The following C2CD3 variants were observed in gnomAD, a reference collection of about 807,000 sequenced individuals.
The protein encoded by C2CD3 is C2 domain-containing protein 3.
A neutral mutation model predicts 234.0 loss-of-function variants in C2CD3; 148 were observed. The observed-to-expected ratio is 0.63, with a 90% CI of 0.55 to 0.72. The LOEUF is 0.72. Ranked by LOEUF, C2CD3 falls within the 30% of genes least tolerant of loss-of-function variation. The pLI is 0.00. For missense variants in C2CD3, 2,577 were observed against 2,811.5 expected (o/e 0.92, Z 1.89); for synonymous variants, 1,000 against 1,035.4 (o/e 0.97, Z 0.66).
At chr11:74,051,862 C>T (rs1369715616) in intron 26 of C2CD3, among the ~76,000 whole-genome samples, 1 of 152,092 alleles carries the variant, frequency 6.6e-6, no homozygotes, top group East Asian at 1.9e-4. Context: ...TAGCATGGTG[C>T]CTGGCACAGA....
intron 20 of C2CD3, among the ~76,000 whole-genome samples, chr11:74,087,325 A>T (rs1483890572): frequency 6.6e-6 from 1 of 152,118 alleles, no homozygotes; most frequent in Non-Finnish European, 1.5e-5. Context: ...GCACTTTGGG[A>T]GGCTGAGGTG....
chr11:74,015,393 T>C (rs1031320395), intron 32 of C2CD3, among the ~76,000 whole-genome samples: 4 of 152,212 alleles, frequency 2.6e-5, no homozygotes, highest in African/African-American at 9.6e-5. Flanking sequence ...TCAGGCTCTA[T>C]GTAGCACTTT....
intron 22 of C2CD3, among the ~76,000 whole-genome samples, chr11:74,084,674 G>A (rs576865801): frequency 7.3e-5 from 11 of 151,638 alleles, no homozygotes; most frequent in African/African-American, 1.5e-4. Flanking sequence ...AAGTATTCCC[G>A]ATTGCAAATA....
chr11:74,131,352 ATCTC>A (rs1403750900), intron 7 of C2CD3, among the ~76,000 whole-genome samples: 1 of 151,350 alleles, frequency 6.6e-6, no homozygotes, highest in Non-Finnish European at 1.5e-5. Flanking sequence ...CTATCTGTCT[ATCTC>A]TCTCTCTTTA....
rs1957025074 is a variant in C2CD3 at position 74,117,114 on chromosome 11, GAATATATATA to G, written c.1520+1104_1520+1113del. 6.7e-5 allele frequency among the ~76,000 whole-genome samples: 2 copies of G among 30,018 alleles called. 1 individual carries two copies. Among genetic ancestry groups the G allele is most frequent in the Non-Finnish European group, 1.1e-4 (2 of 18,236 alleles). The allele number at this position is 30,018 out of a possible 152,430, so 19.7% of individuals were successfully genotyped here. On this transcript the variant is annotated intron_variant, in intron 9 of 32. Coordinates refer to ENST00000334126, the MANE Select transcript of C2CD3 (RefSeq NM_001286577.2). Reference sequence around the variant, plus strand: ...TATATATATATGAATATATATATATGAATATATATATATGAATATATATATATGAATATAT... The same window carrying G: ...TATATATATATGAATATATATATATGTATGAATATATATATATGAATATAT...
chr11:74,057,283 G>A (rs937808234), intron 25 of C2CD3, 123 bp downstream of exon 25: 8 of 914,372 alleles, frequency 8.7e-6, no homozygotes, highest in Non-Finnish European at 1.7e-6. Flanking sequence ...ATAATTGCTT[G>A]GATAAGAAAA....
intron 24 of C2CD3, 65 bp downstream of exon 24, chr11:74,074,188 T>C (rs1332442813): frequency 5.5e-6 from 6 of 1,084,804 alleles, no homozygotes; most frequent in East Asian, 2.4e-5. Context: ...ATTTGAAAGA[T>C]TTGTGAAGAA....
intron 8 of C2CD3, among the ~76,000 whole-genome samples, chr11:74,120,602 C>CTT (rs1199158813): frequency 6.6e-6 from 1 of 152,170 alleles, no homozygotes; most frequent in Non-Finnish European, 1.5e-5. Context: ...GTGCATGTGT[C>CTT]TTTATGGTAG....
At chr11:74,159,116 T>C (rs1050343696) in intron 3 of C2CD3, among the ~76,000 whole-genome samples, 1 of 152,214 alleles carries the variant, frequency 6.6e-6, no homozygotes, top group Non-Finnish European at 1.5e-5. Context: ...GTGACTATAG[T>C]GTTGTAATGT....
At chr11:74,077,224 C>G (rs1001461748) in intron 23 of C2CD3, among the ~76,000 whole-genome samples, 1 of 152,036 alleles carries the variant, frequency 6.6e-6, no homozygotes, top group African/African-American at 2.4e-5. Flanking sequence ...TCTAGATGAT[C>G]AGATAGGCTC....
chr11:74,077,932 C>G (rs1955146527), intron 23 of C2CD3, among the ~76,000 whole-genome samples, 183 bp downstream of exon 23: 1 of 149,294 alleles, frequency 6.7e-6, no homozygotes, highest in African/African-American at 2.5e-5. Context: ...TAGTCTGTGA[C>G]CCTGGGCAGG....
chr11:74,034,560 T>A, intron 30 of C2CD3: 3 of 1,613,846 alleles, frequency 1.9e-6, no homozygotes. Context: ...CGTTGGGAGC[T>A]GGGAGTCCTG....
chr11:74,148,746 A>G (rs1401191134), intron 3 of C2CD3, among the ~76,000 whole-genome samples: 1 of 152,144 alleles, frequency 6.6e-6, no homozygotes, highest in Non-Finnish European at 1.5e-5. Context: ...GCAACAATGT[A>G]AAGCCACCTT....
chr11:74,037,464 G>A lies in C2CD3; in HGVS notation c.5881+14C>T, dbSNP rs372711904. The A allele has an allele frequency of 9.7e-5, 155 of 1,596,380 alleles. No homozygotes were observed. The African/African-American group carries it at 1.8e-3, about 19-fold the overall frequency. ...TGACCATAACATCTCAACAAGAAAGGATCTGAGTCATACCTGTGATTAAGG... is the reference window on the plus strand; with the variant it reads ...TGACCATAACATCTCAACAAGAAAGAATCTGAGTCATACCTGTGATTAAGG... On this transcript the variant is annotated intron_variant, in intron 30 of 32. Coordinates refer to ENST00000334126, the MANE Select transcript of C2CD3 (RefSeq NM_001286577.2).
intron 28 of C2CD3, among the ~76,000 whole-genome samples, chr11:74,044,892 C>CTT (rs551506968): frequency 7.2e-6 from 1 of 138,498 alleles, no homozygotes; most frequent in Non-Finnish European, 1.6e-5. Context: ...TGATTTTGTT[C>CTT]TTTTTTTTTT....
At chr11:74,142,271 A>T (rs1385493164) in intron 3 of C2CD3, 1 of 152,316 alleles carries the variant, frequency 6.6e-6, no homozygotes, top group Non-Finnish European at 1.5e-5. Flanking sequence ...TAAACCAAGA[A>T]AGAAGGCACA....
In C2CD3 at chr11:74,078,557, C is replaced by A. The variant is rs776885581; in HGVS notation, c.4161G>T (p.Trp1387Cys). The change falls in exon 23 of 33, where the codon TGG (tryptophan) becomes TGT (cysteine). Residue 1387 changes from tryptophan (W) to cysteine (C), a missense_variant. Physicochemically the swap from Trp to Cys is radical, Grantham distance 215. Coordinates refer to ENST00000334126, the MANE Select transcript of C2CD3 (RefSeq NM_001286577.2). Reference protein sequence around the residue: ...RVLEAAEHLGWSFENSLKDFV... With the variant: ...RVLEAAEHLGCSFENSLKDFV... ...AATCTTTCAGGCTGTTCTCAAAGCT[C>A]CAGCCCAAATGCTCAGCAGCTTCCA... The A allele has an allele frequency of 1.9e-5, 30 of 1,613,994 alleles. No individual in the cohort carries two copies. In the South Asian group the frequency reaches 3.3e-4, roughly 18 times the overall value.
chr11:74,084,015 T>G (rs910110391), intron 22 of C2CD3, among the ~76,000 whole-genome samples: 2 of 152,206 alleles, frequency 1.3e-5, no homozygotes, highest in Admixed American at 1.3e-4. Flanking sequence ...GCGGCACTAT[T>G]CACAATAGCA....
rs1031990005 is a variant in C2CD3 at position 74,037,358 on chromosome 11, G to T, written c.5881+120C>A. 16 of 786,154 alleles carry T rather than the reference G, an allele frequency of 2.0e-5. No homozygotes were observed. In the African/African-American group the frequency reaches 2.4e-4, roughly 12 times the overall value. The allele number at this position is 786,154 out of a possible 1,614,324, so 48.7% of individuals were successfully genotyped here. A position where few individuals can be genotyped will look rare whatever the true frequency, so the allele number is the denominator to read the frequency against. On this transcript the variant is annotated intron_variant, in intron 30 of 32. Transcript: ENST00000334126. ...GGTTAAAAAAAAAAAAAAAGGAAGA[G>T]GGTGAAAACAATTGGTCTCTATTTG...
Sources: allele counts gnomAD v4.1 joint callset (sites outside exome capture counted in the v4.1 genomes callset), GRCh38; gene constraint gnomAD v4.1.1; transcripts MANE v1.5; gene names NCBI Gene and HGNC (gene_info 2026-07-23, HGNC 2026-07-21).